Variants in VPS13C observed in about 807,000 individuals in gnomAD.
VPS13C encodes the protein vacuolar protein sorting 13 homolog C.
VPS13C carries 358 observed loss-of-function variants against 456.8 expected under a neutral mutation model. The observed-to-expected ratio is 0.78, with a 90% CI of 0.72 to 0.86. The LOEUF (loss-of-function observed/expected upper bound fraction) is 0.86. VPS13C is among the 40% of genes least tolerant of loss of function. The pLI is 0.00. For missense variants in VPS13C, 4,818 were observed against 4,385.4 expected (o/e 1.10, Z -2.79); for synonymous variants, 1,578 against 1,486.7 (o/e 1.06, Z -1.41).
At position 61,908,988 on chromosome 15, in the gene VPS13C, A is replaced by C; in HGVS notation, c.8978+4T>G. The C allele has an allele frequency of 6.2e-7, 1 of 1,609,974 alleles. No individual in the cohort carries two copies. Among genetic ancestry groups the C allele is most frequent in the Non-Finnish European group, 8.5e-7 (1 of 1,178,664 alleles). ...TATTTCCCATTAACCCTTTTTTCTC[A>C]TACCTCTGTTTGTATGTGAGGATGT... is the stretch of plus-strand genomic sequence containing the variant. On this transcript the variant is annotated splice_donor_region_variant and intron_variant, in intron 65 of 84. Coordinates refer to ENST00000644861, the MANE Select transcript of VPS13C (RefSeq NM_020821.3).
At chr15:61,930,329 G>A (rs1280246107) in intron 50 of VPS13C, among the ~76,000 whole-genome samples, 8 of 152,062 alleles carry the variant, frequency 5.3e-5, no homozygotes, top group African/African-American at 1.9e-4. Context: ...ACCCTTGCCG[G>A]GAGAGCTGTG....
Position 61,915,542 on chromosome 15 carries a change from G to C in VPS13C, c.8445+91C>G, listed in dbSNP as rs1341458328. 4.1e-5 allele frequency: 54 copies of C among 1,330,626 alleles called. No individual in the cohort carries two copies. The Middle Eastern group carries it at 8.2e-4, about 20-fold the overall frequency. 82.4% of individuals were successfully genotyped at this position (1,330,626 alleles called of 1,614,324 possible). A position where few individuals can be genotyped will look rare whatever the true frequency, so the allele number is the denominator to read the frequency against. On this transcript the variant is annotated intron_variant, in intron 61 of 84. Coordinates refer to ENST00000644861, the MANE Select transcript of VPS13C (RefSeq NM_020821.3). ...TCACACCAATGGCATTTAGCAAATA[G>C]GTTAGCATGGTTTTAGGGAAGACAA...
chr15:61,899,460 G>A (rs550773905), intron 66 of VPS13C, among the ~76,000 whole-genome samples: 7 of 152,240 alleles, frequency 4.6e-5, no homozygotes, highest in African/African-American at 1.2e-4. Flanking sequence ...CTACCTCTAC[G>A]CAAATAAACT....
At chr15:62,037,267 T>TTATATAATA (rs1567136533) in intron 3 of VPS13C, among the ~76,000 whole-genome samples, 2 of 21,724 alleles carry the variant, frequency 9.2e-5, no homozygotes, top group South Asian at 8.4e-4. Context: ...ATATATTATA[T>TTATATAATA]TATATAATAT....
intron 18 of VPS13C, among the ~76,000 whole-genome samples, chr15:61,990,570 G>A (rs2046193801): frequency 6.6e-6 from 1 of 152,076 alleles, no homozygotes; most frequent in South Asian, 2.1e-4. Context: ...CAGCACTTTG[G>A]GAGGCCGAGG....
At chr15:61,898,190 T>C (rs1392014372) in intron 66 of VPS13C, among the ~76,000 whole-genome samples, 2 of 151,104 alleles carry the variant, frequency 1.3e-5, no homozygotes, top group African/African-American at 4.9e-5. Context: ...AGAAACTGCA[T>C]CAACTAACGA....
intron 16 of VPS13C, among the ~76,000 whole-genome samples, chr15:61,997,451 C>T (rs1399953210): frequency 1.3e-5 from 2 of 152,098 alleles, no homozygotes; most frequent in Non-Finnish European, 2.9e-5. Context: ...TTTCTATATC[C>T]AGCACAGACT....
intron 27 of VPS13C, among the ~76,000 whole-genome samples, chr15:61,970,859 TAA>T (rs71125959): frequency 0.43 from 53,762 of 125,368 alleles, 11,891 homozygotes; most frequent in Admixed American, 0.55. Flanking sequence ...GAAGTTAGTT[TAA>T]AAAAAAAAAA....
chr15:61,920,553 G>A lies in VPS13C; in HGVS notation c.7157C>T (p.Thr2386Ile). 2 of 1,578,378 alleles carry A rather than the reference G, an allele frequency of 1.3e-6. No individual in the cohort carries two copies. The highest frequency in any genetic ancestry group is 1.7e-4 in the Middle Eastern group (1 of 5,932). ...QMAIHISSGNTMNITISKSCL... is the reference protein window; with the variant it reads ...QMAIHISSGNIMNITISKSCL... ...ACTTTTGGATATTGTTATATTCATT[G>A]TATTTCCTGAAGAAATATGAATTGC... The change falls in exon 56 of 85, where the codon ACA becomes ATA. Residue 2386 changes from threonine (T) to isoleucine (I), a missense_variant. Around this residue, in one of 3 missense-constraint regions of VPS13C, gnomAD observed 4,552 missense variants for 4,130.6 expected, o/e 1.10. Transcript: ENST00000644861.
chr15:62,004,075 G>C (rs1255086271), intron 15 of VPS13C, among the ~76,000 whole-genome samples: 3 of 151,386 alleles, frequency 2.0e-5, no homozygotes, highest in Admixed American at 6.6e-5. Context: ...CTATTGATTG[G>C]AATAGTTTCA....
At chr15:62,030,649 C>T (rs2047783923) in intron 5 of VPS13C, among the ~76,000 whole-genome samples, 2 of 151,952 alleles carry the variant, frequency 1.3e-5, no homozygotes, top group African/African-American at 4.8e-5. Flanking sequence ...TAAGTAGTGA[C>T]TAGTAATTGG....
chr15:61,894,639 G>C (rs765211625), intron 66 of VPS13C, among the ~76,000 whole-genome samples: 26 of 151,926 alleles, frequency 1.7e-4, no homozygotes, highest in Non-Finnish European at 2.6e-4. Flanking sequence ...TACAAAAAGA[G>C]ACAAAGTCAC....
chr15:61,959,347 A>G, intron 36 of VPS13C, 101 bp downstream of exon 36: 1 of 1,024,882 alleles, frequency 9.8e-7, no homozygotes. Context: ...TTTCTCTTAT[A>G]CTATTCAGCA....
chr15:62,019,067 A>G (rs1172679149), intron 9 of VPS13C, among the ~76,000 whole-genome samples: 3 of 152,106 alleles, frequency 2.0e-5, no homozygotes, highest in African/African-American at 4.8e-5. Context: ...TTTCTAGTTT[A>G]TTTGCGTAGA....
Position 61,867,806 on chromosome 15 carries a change from G to T in VPS13C, c.10863+853C>A. On this transcript the variant is annotated intron_variant, in intron 81 of 84. Coordinates refer to ENST00000644861, the MANE Select transcript of VPS13C (RefSeq NM_020821.3). This position sits in a 1 kb window ranked among gnomAD's most constrained non-coding sequence, Gnocchi z 5.0. Reference sequence around the variant, plus strand: ...CACTACTATGAAAAGTTCAGATGGAGGTGAGAGTTTTAAAGAAAATTTCAT... The same window carrying T: ...CACTACTATGAAAAGTTCAGATGGATGTGAGAGTTTTAAAGAAAATTTCAT... The T allele has an allele frequency of 6.6e-7, 1 of 1,518,806 alleles. No individual in the cohort carries two copies. The highest frequency in any genetic ancestry group is 8.8e-7 in the Non-Finnish European group (1 of 1,134,588). 94.1% of individuals were successfully genotyped at this position (1,518,806 alleles called of 1,614,324 possible).
intron 19 of VPS13C, 94 bp from the exon 20 acceptor site, chr15:61,984,106 G>T: frequency 1.7e-6 from 2 of 1,160,324 alleles, no homozygotes; most frequent in Non-Finnish European, 2.4e-6. Flanking sequence ...ACGTCTTTGA[G>T]AACCAGGACC....
At chr15:62,043,211 T>C (rs979458523) in intron 2 of VPS13C, among the ~76,000 whole-genome samples, 5 of 152,200 alleles carry the variant, frequency 3.3e-5, no homozygotes, top group African/African-American at 1.2e-4. Context: ...CAGGCTCTAC[T>C]TCTCATCTTA....
chr15:62,060,404 A>C lies in VPS13C; in HGVS notation c.-30T>G, dbSNP rs753311344. 2 of 1,249,556 alleles carry C rather than the reference A, an allele frequency of 1.6e-6. No homozygotes were observed. The highest frequency in any genetic ancestry group is 2.3e-6 in the Non-Finnish European group (2 of 875,324). The allele number at this position is 1,249,556 out of a possible 1,614,324, so 77.4% of individuals were successfully genotyped here. On this transcript the variant is annotated 5_prime_UTR_variant, in exon 1 of 85. Transcript: ENST00000644861. ...GCGCTGAGGCACAAGGAGAGGGAGG[A>C]GCCGGAACCGCCCGGCGCAGCTGAG...
At chr15:61,995,358 A>C (rs1031895110) in intron 16 of VPS13C, among the ~76,000 whole-genome samples, 3 of 152,298 alleles carry the variant, frequency 2.0e-5, no homozygotes, top group Admixed American at 2.0e-4. Flanking sequence ...TGTTTTTCTC[A>C]CATGTTGTGC....
Sources: gnomAD v4.1 joint callset for allele counts (sites outside exome capture counted in the v4.1 genomes callset) on GRCh38, gnomAD v4.1.1 for gene constraint, gnomAD v4.1.1 regional missense constraint, Gnocchi (gnomAD v3.1) non-coding constraint, MANE v1.5 for transcripts, NCBI Gene and HGNC (gene_info 2026-07-23, HGNC 2026-07-21) for gene names.